The following OR5B12 variants were observed in gnomAD, a reference collection of about 807,000 sequenced individuals.
OR5B12 encodes olfactory receptor family 5 subfamily B member 12.
For synonymous variants in OR5B12, 154 were observed against 138.0 expected (o/e 1.12, Z -0.81); for missense variants, 418 against 377.0 (o/e 1.11, Z -0.90).
Position 58,439,990 on chromosome 11 carries a change from G to C in OR5B12, c.162C>G (p.His54Gln), listed in dbSNP as rs1855483472. 6.2e-7 allele frequency: 1 copy of C among 1,614,030 alleles called. No individual in the cohort carries two copies. Among genetic ancestry groups the C allele is most frequent in the African/African-American group, 1.3e-5 (1 of 74,932 alleles). ...IELILLDSCLHTPMYFFLSNL... is the reference protein window; with the variant it reads ...IELILLDSCLQTPMYFFLSNL... ...TACTGAGGAAGAAGTACATGGGGGT[G>C]TGGAGACAGGAGTCCAGTAGAATCA... Residue 54 changes from histidine (H) to glutamine (Q), a missense_variant, in exon 2 of 2, where the codon CAC becomes CAG. By Grantham distance (24) the His-to-Gln change is conservative. Transcript: ENST00000641921.
rs1855506796 is a variant in OR5B12 at position 58,442,045 on chromosome 11, CCTT to C, written c.-22_-20del. The C allele has an allele frequency of 6.6e-6, 1 of 152,208 alleles. No homozygotes were observed. The highest frequency in any genetic ancestry group is 1.5e-5 in the Non-Finnish European group (1 of 68,024). 9.4% of individuals were successfully genotyped at this position (152,208 alleles called of 1,614,324 possible). A position where few individuals can be genotyped will look rare whatever the true frequency, so the allele number is the denominator to read the frequency against. On this transcript the variant is annotated splice_region_variant and 5_prime_UTR_variant, in exon 1 of 2. Coordinates refer to ENST00000641921, the MANE Select transcript of OR5B12 (RefSeq NM_001004733.3). The stretch of plus-strand genomic sequence containing the variant: ...ACAATAGATTTGATCCAGAGACTTA[CCTT>C]TCTCCCTGAGAAATACAAAATTCAG...
intron 1 of OR5B12, 108 bp downstream of exon 1, chr11:58,441,938 C>A (rs1354227581): frequency 1.3e-5 from 2 of 152,092 alleles, no homozygotes; most frequent in Non-Finnish European, 2.9e-5. Flanking sequence ...AATATTAGAG[C>A]CAAATCCCTG....
Position 58,440,114 on chromosome 11 carries a change from A to G in OR5B12, c.38T>C (p.Val13Ala), listed in dbSNP as rs1168345104. Residue 13 changes from valine to alanine, a missense_variant, in exon 2 of 2, where the codon GTG becomes GCG. Transcript: ENST00000641921. Reference protein sequence around the residue: ...NNTEVTEFILVGLTDDPELQI... With the variant: ...NNTEVTEFILAGLTDDPELQI... ...CAGTTCTGGGTCATCAGTTAACCCC[A>G]CAAGGATGAATTCAGTCACCTCTGT... The G allele has an allele frequency of 1.2e-6, 2 of 1,611,936 alleles. No homozygotes were observed. The highest frequency in any genetic ancestry group is 1.7e-6 in the Non-Finnish European group (2 of 1,178,894).
At chr11:58,440,890 A>C (rs1855493072) in intron 1 of OR5B12, among the ~76,000 whole-genome samples, 1 of 152,180 alleles carries the variant, frequency 6.6e-6, no homozygotes, top group Non-Finnish European at 1.5e-5. Flanking sequence ...ACAAGCTCTA[A>C]TTTCGAATGG....
Position 58,439,537 on chromosome 11 carries a change from G to A in OR5B12, c.615C>T (p.Asp205=), listed in dbSNP as rs1855473303. 1 of 1,613,310 alleles carries A rather than the reference G, an allele frequency of 6.2e-7. No individual in the cohort carries two copies. Among genetic ancestry groups the A allele is most frequent in the East Asian group, 2.2e-5 (1 of 44,894 alleles). ...TCAAGATTACCAGGATAGAAAAGAGGTCATTGAATCCCACCACAAAAAAAA... is the reference window on the plus strand; with the variant it reads ...TCAAGATTACCAGGATAGAAAAGAGATCATTGAATCCCACCACAAAAAAAA... The part of the protein sequence containing the change: ...MVIFFVVGFN[D]LFSILVILIS... The change falls in exon 2 of 2, where the codon GAC becomes GAT. Residue 205 remains aspartate, a synonymous_variant. Transcript: ENST00000641921.
chr11:58,439,198 T>C lies in OR5B12; in HGVS notation c.*9A>G, dbSNP rs764538211. Reference sequence around the variant, plus strand: ...TGGAAAAAATTATCTTATTGTGAATTCTTTATAATTAAAATATGAATCCTA... The same window carrying C: ...TGGAAAAAATTATCTTATTGTGAATCCTTTATAATTAAAATATGAATCCTA... On this transcript the variant is annotated 3_prime_UTR_variant, in exon 2 of 2. Coordinates refer to ENST00000641921, the MANE Select transcript of OR5B12 (RefSeq NM_001004733.3). 5 of 1,431,370 alleles carry C rather than the reference T, an allele frequency of 3.5e-6. No homozygotes were observed. The highest frequency in any genetic ancestry group is 1.4e-5 in the African/African-American group (1 of 69,440). 88.7% of individuals were successfully genotyped at this position (1,431,370 alleles called of 1,614,324 possible).
At position 58,439,574 on chromosome 11, in the gene OR5B12, C is replaced by A; in HGVS notation, c.578G>T (p.Ser193Ile). The A allele has an allele frequency of 6.2e-7, 1 of 1,613,730 alleles. No homozygotes were observed. Among genetic ancestry groups the A allele is most frequent in the South Asian group, 1.1e-5 (1 of 91,020 alleles). Residue 193 changes from serine to isoleucine, a missense_variant, in exon 2 of 2, where the codon AGT (serine) becomes ATT (isoleucine). Transcript: ENST00000641921. ...LTLSCSDNYISEMVIFFVVGF... is the reference protein window; with the variant it reads ...LTLSCSDNYIIEMVIFFVVGF... ...CACCACAAAAAAAATAACCATCTCA[C>A]TGATGTAGTTGTCTGAACATGAGAG...
chr11:58,441,049 T>TTGC (rs1216461869), intron 1 of OR5B12, among the ~76,000 whole-genome samples: 2 of 152,186 alleles, frequency 1.3e-5, no homozygotes, highest in Admixed American at 1.3e-4. Flanking sequence ...GTTTTCTTAT[T>TTGC]TGCTCAGAAC....
chr11:58,439,475 A>T lies in OR5B12; in HGVS notation c.677T>A (p.Met226Lys). The T allele has an allele frequency of 6.2e-7, 1 of 1,614,124 alleles. No homozygotes were observed. The highest frequency in any genetic ancestry group is 8.5e-7 in the Non-Finnish European group (1 of 1,180,024). Residue 226 changes from methionine to lysine, a missense_variant, in exon 2 of 2, where the codon ATG (methionine) becomes AAG (lysine). Transcript: ENST00000641921. ...CTTCTGGCGTCCTTCAGGTGAGCGC[A>T]TCTTCATGATGGTGATAAATATAAA... ...YLFIFITIMK[M>K]RSPEGRQKAF...
rs745329647 is a variant in OR5B12 at position 58,439,525 on chromosome 11, G to A, written c.627C>T (p.Ile209=). Residue 209 remains isoleucine, a synonymous_variant, in exon 2 of 2, where the codon ATC becomes ATT. Transcript: ENST00000641921. Reference sequence around the variant, plus strand: ...ATAAGTAGGAGATCAAGATTACCAGGATAGAAAAGAGGTCATTGAATCCCA... The same window carrying A: ...ATAAGTAGGAGATCAAGATTACCAGAATAGAAAAGAGGTCATTGAATCCCA... ...FVVGFNDLFS[I]LVILISYLFI... is the part of the protein sequence containing the mutation. 1.9e-6 allele frequency: 3 copies of A among 1,613,816 alleles called. No individual in the cohort carries two copies. Among genetic ancestry groups the A allele is most frequent in the Non-Finnish European group, 2.5e-6 (3 of 1,179,932 alleles).
In OR5B12 at chr11:58,439,827, C is replaced by G. The variant is rs770621833; in HGVS notation, c.325G>C (p.Glu109Gln). Residue 109 changes from glutamate to glutamine, a missense_variant, in exon 2 of 2, where the codon GAA (glutamate) becomes CAA (glutamine). Physicochemically the swap from Glu to Gln is conservative, Grantham distance 29. Coordinates refer to ENST00000641921, the MANE Select transcript of OR5B12 (RefSeq NM_001004733.3). ...GCCATTGATGCCAGGAGGAAACTTT[C>G]TGCAGTGATAAAGGCTACAAAGAAG... ...FFFFVAFITA[E>Q]SFLLASMAYD... is the part of the protein sequence containing the mutation. The G allele has an allele frequency of 6.2e-7, 1 of 1,614,170 alleles. No homozygotes were observed. Among genetic ancestry groups the G allele is most frequent in the East Asian group, 2.2e-5 (1 of 44,870 alleles).
chr11:58,440,242 T>A, intron 1 of OR5B12, 72 bp from the exon 2 acceptor site: 1 of 968,464 alleles, frequency 1.0e-6, no homozygotes, highest in Non-Finnish European at 1.5e-6. Context: ...AGCATGCCAT[T>A]TTTTTGCTTT....
chr11:58,439,464 C>T lies in OR5B12; in HGVS notation c.688G>A (p.Glu230Lys). 6.2e-7 allele frequency: 1 copy of T among 1,614,058 alleles called. No homozygotes were observed. The highest frequency in any genetic ancestry group is 8.5e-7 in the Non-Finnish European group (1 of 1,180,000). The change falls in exon 2 of 2, where the codon GAA (glutamate) becomes AAA (lysine). Residue 230 changes from glutamate to lysine, a missense_variant. Glu to Lys is a moderately conservative substitution (Grantham distance 56). Coordinates refer to ENST00000641921, the MANE Select transcript of OR5B12 (RefSeq NM_001004733.3). ...FITIMKMRSP[E>K]GRQKAFSTCA... The stretch of plus-strand genomic sequence containing the variant: ...GTAGAAAAGGCCTTCTGGCGTCCTT[C>T]AGGTGAGCGCATCTTCATGATGGTG...
chr11:58,441,312 A>T (rs572991987), intron 1 of OR5B12, among the ~76,000 whole-genome samples: 131 of 152,202 alleles, frequency 8.6e-4, no homozygotes, highest in African/African-American at 3.0e-3. Context: ...CTCTCTTTTT[A>T]AAAAAATATT....
chr11:58,441,939 C>T (rs1462637373), intron 1 of OR5B12, 107 bp downstream of exon 1: 2 of 152,084 alleles, frequency 1.3e-5, no homozygotes, highest in Non-Finnish European at 2.9e-5. Context: ...ATATTAGAGC[C>T]AAATCCCTGA....
Position 58,439,705 on chromosome 11 carries a change from A to G in OR5B12, c.447T>C (p.Cys149=). The change falls in exon 2 of 2, where the codon TGT becomes TGC. Residue 149 remains cysteine (C), a synonymous_variant. Coordinates refer to ENST00000641921, the MANE Select transcript of OR5B12 (RefSeq NM_001004733.3). ...CACLAIGSYI[C]GFLNASIHTG... ...TATGAATGGATGCATTCAGGAAACC[A>G]CAGATGTAGGAGCCTATGGCCAGGC... The G allele has an allele frequency of 6.2e-7, 1 of 1,614,188 alleles. No homozygotes were observed. The highest frequency in any genetic ancestry group is 8.5e-7 in the Non-Finnish European group (1 of 1,180,022).
chr11:58,441,294 C>T (rs1312644501), intron 1 of OR5B12, among the ~76,000 whole-genome samples: 2 of 152,054 alleles, frequency 1.3e-5, no homozygotes, highest in Non-Finnish European at 2.9e-5. Context: ...AATCACCATT[C>T]CTTCTGTCTC....
rs1485691070 is a variant in OR5B12, at chr11:58,439,334, G to C, written c.818C>G (p.Ser273Cys). The change falls in exon 2 of 2, where the codon TCT (serine) becomes TGT (cysteine). Residue 273 changes from serine (S) to cysteine (C), a missense_variant. Physicochemically the swap from Ser to Cys is moderately radical, Grantham distance 112. Coordinates refer to ENST00000641921, the MANE Select transcript of OR5B12 (RefSeq NM_001004733.3). ...SHFMGTDKMA[S>C]VFYAIVIPML... ...GGGAATGACTATGGCATAGAACACA[G>C]ATGCCATTTTGTCTGTGCCCATGAA... is the stretch of plus-strand genomic sequence containing the variant. 1.2e-6 allele frequency: 2 copies of C among 1,612,992 alleles called. No individual in the cohort carries two copies. Among genetic ancestry groups the C allele is most frequent in the Non-Finnish European group, 1.7e-6 (2 of 1,179,070 alleles).
In OR5B12 at chr11:58,439,986, G is replaced by A; in HGVS notation, c.166C>T (p.Pro56Ser). 3 of 1,614,126 alleles carry A rather than the reference G, an allele frequency of 1.9e-6. No individual in the cohort carries two copies. The highest frequency in any genetic ancestry group is 2.5e-6 in the Non-Finnish European group (3 of 1,180,026). Residue 56 changes from proline (P) to serine (S), a missense_variant, in exon 2 of 2, where the codon CCC becomes TCC. Coordinates refer to ENST00000641921, the MANE Select transcript of OR5B12 (RefSeq NM_001004733.3). Reference protein sequence around the residue: ...LILLDSCLHTPMYFFLSNLSL... With the variant: ...LILLDSCLHTSMYFFLSNLSL... ...AGGTTACTGAGGAAGAAGTACATGG[G>A]GGTGTGGAGACAGGAGTCCAGTAGA...
Sources: gnomAD v4.1 joint callset for allele counts (sites outside exome capture counted in the v4.1 genomes callset) on GRCh38, gnomAD v4.1.1 for gene constraint, MANE v1.5 for transcripts, NCBI Gene and HGNC (gene_info 2026-07-23, HGNC 2026-07-21) for gene names.